Variants in DOCK3 observed in about 807,000 individuals in gnomAD.
DOCK3 encodes dedicator of cytokinesis 3, also known as dedicator of cytokinesis protein 3.
DOCK3 carries 60 observed loss-of-function variants against 265.6 expected under a neutral mutation model. The observed-to-expected ratio is 0.23, with a 90% confidence interval of 0.18 to 0.28. DOCK3 has a LOEUF of 0.28. DOCK3 is among the 10% of genes least tolerant of loss of function. The pLI, the probability that DOCK3 is intolerant of heterozygous loss-of-function variation, is 1.00. For missense variants in DOCK3, 1,981 were observed against 2,594.3 expected, an observed-to-expected ratio of 0.76 and a Z score of 5.14; for synonymous variants, 881 against 938.0, an observed-to-expected ratio of 0.94 and a Z score of 1.11.
At chr3:51,273,124 C>T (rs1225454092) in intron 24 of DOCK3, among the ~76,000 whole-genome samples, 3 of 149,774 alleles carry the variant, frequency 2.0e-5, no homozygotes, top group Admixed American at 6.7e-5. Context: ...ATCACGCCAC[C>T]GCACTCCAGC....
chr3:50,909,978 G>A (rs2049778800), intron 4 of DOCK3, among the ~76,000 whole-genome samples: 1 of 151,884 alleles, frequency 6.6e-6, no homozygotes, highest in Non-Finnish European at 1.5e-5. Flanking sequence ...TCGTCTTCAA[G>A]CTTTGATATT....
At chr3:50,970,686 C>A (rs1471871182) in intron 5 of DOCK3, among the ~76,000 whole-genome samples, 1 of 139,812 alleles carries the variant, frequency 7.2e-6, no homozygotes, top group African/African-American at 2.6e-5. Flanking sequence ...TTTCTGATTT[C>A]TTTGTGTTGG....
At chr3:51,216,290 TC>T (rs113051384) in intron 14 of DOCK3, among the ~76,000 whole-genome samples, 1 of 152,330 alleles carries the variant, frequency 6.6e-6, no homozygotes, top group African/African-American at 2.4e-5. Flanking sequence ...TGGAAAGAAA[TC>T]TTTTTTAGGA....
chr3:51,235,101 CA>C (rs1302007577), intron 19 of DOCK3, among the ~76,000 whole-genome samples: 2 of 152,186 alleles, frequency 1.3e-5, no homozygotes, highest in Middle Eastern at 3.2e-3. Context: ...CAATAATACA[CA>C]ACACAGTGTT....
chr3:50,849,240 A>G (rs1462864828), intron 3 of DOCK3, among the ~76,000 whole-genome samples: 1 of 151,630 alleles, frequency 6.6e-6, no homozygotes, highest in African/African-American at 2.4e-5. Flanking sequence ...TTGCCACATT[A>G]CTAGAGCTGG....
chr3:50,703,376 G>T (rs933203375), intron 1 of DOCK3, among the ~76,000 whole-genome samples: 1 of 152,080 alleles, frequency 6.6e-6, no homozygotes, highest in Non-Finnish European at 1.5e-5. Flanking sequence ...GAATTGGGAA[G>T]AATTCAGTTT....
intron 35 of DOCK3, among the ~76,000 whole-genome samples, chr3:51,333,792 C>T (rs2084685912): frequency 6.6e-6 from 1 of 152,032 alleles, no homozygotes; most frequent in East Asian, 1.9e-4. Context: ...TTAGAGGAAA[C>T]AGCCTGTGAG....
At chr3:51,249,882 G>A (rs1425212310) in intron 22 of DOCK3, among the ~76,000 whole-genome samples, 2 of 148,138 alleles carry the variant, frequency 1.4e-5, no homozygotes, top group Non-Finnish European at 3.0e-5. Flanking sequence ...TGCCGTGTCT[G>A]TGTAGAAAGA....
At chr3:50,975,117 T>C (rs1419654377) in intron 5 of DOCK3, among the ~76,000 whole-genome samples, 14 of 148,182 alleles carry the variant, frequency 9.4e-5, no homozygotes, top group African/African-American at 1.8e-4. Flanking sequence ...CTTTTCCTAA[T>C]TGAATACCCT....
intron 9 of DOCK3, among the ~76,000 whole-genome samples, chr3:51,133,166 T>G (rs2084638172): frequency 1.3e-5 from 2 of 152,126 alleles, no homozygotes; most frequent in Admixed American, 1.3e-4. Context: ...TGCTTGAGTT[T>G]TCTTTATTAT....
At chr3:50,720,667 T>G (rs527855689) in intron 1 of DOCK3, among the ~76,000 whole-genome samples, 1 of 152,212 alleles carries the variant, frequency 6.6e-6, no homozygotes, top group South Asian at 2.1e-4. Context: ...GTAATGGGAT[T>G]GCTGATTGGA....
At chr3:50,927,988 T>C (rs2050854013) in intron 4 of DOCK3, among the ~76,000 whole-genome samples, 1 of 151,968 alleles carries the variant, frequency 6.6e-6, no homozygotes, top group Non-Finnish European at 1.5e-5. Context: ...GGGACTGTTT[T>C]TTTCCCCTGA....
chr3:51,083,759 G>A (rs931524761), intron 7 of DOCK3, among the ~76,000 whole-genome samples: 7 of 152,136 alleles, frequency 4.6e-5, no homozygotes, highest in African/African-American at 1.7e-4. Context: ...AAGGCAGGTG[G>A]ATCACCTGAG....
chr3:51,327,431 A>G (rs539651520), intron 32 of DOCK3, among the ~76,000 whole-genome samples: 7 of 152,190 alleles, frequency 4.6e-5, no homozygotes, highest in Non-Finnish European at 8.8e-5. Flanking sequence ...TTGAATGAAG[A>G]TGTCACTTCA....
chr3:50,902,177 T>C (rs1360943056), intron 4 of DOCK3, among the ~76,000 whole-genome samples: 2 of 152,232 alleles, frequency 1.3e-5, no homozygotes. Context: ...GTGCTGAAGC[T>C]CTTTAGTTTA....
intron 4 of DOCK3, among the ~76,000 whole-genome samples, chr3:50,919,923 A>C (rs373295433): frequency 4.6e-5 from 7 of 152,242 alleles, no homozygotes; most frequent in South Asian, 2.1e-4. Flanking sequence ...AGATACATCC[A>C]ATCAATACCT....
At chr3:51,284,685 A>C (rs1409838475) in intron 27 of DOCK3, among the ~76,000 whole-genome samples, 1 of 152,134 alleles carries the variant, frequency 6.6e-6, no homozygotes, top group Non-Finnish European at 1.5e-5. Context: ...AACAATAACC[A>C]TTTAGCAGCC....
chr3:51,018,739 C>T (rs540425374), intron 5 of DOCK3, among the ~76,000 whole-genome samples: 1 of 151,876 alleles, frequency 6.6e-6, no homozygotes, highest in African/African-American at 2.4e-5. Context: ...GCATTTTCCA[C>T]TTGTGGCATC....
intron 12 of DOCK3, among the ~76,000 whole-genome samples, chr3:51,166,127 T>A (rs1480556177): frequency 6.6e-6 from 1 of 151,244 alleles, no homozygotes; most frequent in African/African-American, 2.4e-5. Flanking sequence ...CTCAGCTCAC[T>A]GCAACCTCCA....
Sources: allele counts gnomAD v4.1 joint callset (sites outside exome capture counted in the v4.1 genomes callset), GRCh38; gene constraint gnomAD v4.1.1; transcripts MANE v1.5; gene names NCBI Gene and HGNC (gene_info 2026-07-23, HGNC 2026-07-21).